SH3KBP1: variants seen among roughly 807,000 people sequenced by gnomAD.
SH3KBP1 encodes the protein SH3 domain containing kinase binding protein 1.
In SH3KBP1, 8 loss-of-function variants were observed where a neutral mutation model predicts 50.1. That is an observed-to-expected ratio of 0.16 (90% CI 0.09 to 0.29). SH3KBP1 has a LOEUF of 0.29. Ranked by LOEUF, SH3KBP1 falls within the 10% of genes least tolerant of loss-of-function variation. The pLI is 1.00. For missense variants in SH3KBP1, 377 were observed against 535.2 expected, an observed-to-expected ratio of 0.70 and a Z score of 2.92; for synonymous variants, 227 against 218.6, an observed-to-expected ratio of 1.04 and a Z score of -0.34.
intron 7 of SH3KBP1, among the ~76,000 whole-genome samples, chrX:19,639,757 C>T (rs1420837922): frequency 9.1e-6 from 1 of 110,095 alleles, no homozygotes; most frequent in East Asian, 2.8e-4. Context: ...CATGCTGCAG[C>T]AAATTGGATG....
At chrX:19,882,208 C>T (rs1201734094) in intron 1 of SH3KBP1, among the ~76,000 whole-genome samples, 1 of 111,584 alleles carries the variant, frequency 9.0e-6, no homozygotes, top group African/African-American at 3.3e-5. Context: ...AACCAGGAAA[C>T]GTCAGGTCCA....
chrX:19,842,332 T>A (rs2068244087), intron 1 of SH3KBP1, among the ~76,000 whole-genome samples: 1 of 111,155 alleles, frequency 9.0e-6, no homozygotes, highest in Admixed American at 9.5e-5. Context: ...TCAAGACCAG[T>A]CTGACCAACA....
intron 2 of SH3KBP1, among the ~76,000 whole-genome samples, chrX:19,775,206 C>T (rs2065936714): frequency 9.0e-6 from 1 of 111,613 alleles, no homozygotes; most frequent in Admixed American, 9.5e-5. Context: ...GGCCCTGTAA[C>T]ATCCACTCTG....
At chrX:19,626,365 C>T (rs2068018845) in intron 8 of SH3KBP1, among the ~76,000 whole-genome samples, 1 of 105,662 alleles carries the variant, frequency 9.5e-6, no homozygotes, top group African/African-American at 3.6e-5. Context: ...CCTGGCACAC[C>T]ATAAATATTC....
At chrX:19,814,917 C>G (rs183780000) in intron 2 of SH3KBP1, among the ~76,000 whole-genome samples, 46 of 112,067 alleles carry the variant, frequency 4.1e-4, no homozygotes, top group Non-Finnish European at 5.3e-4. Flanking sequence ...CAACCACAGA[C>G]AGGCCAAGTG....
chrX:19,534,546 G>T lies in SH3KBP1; in HGVS notation c.*1871C>A. The T allele has an allele frequency of 4.8e-6, 1 of 208,773 alleles. No individual in the cohort carries two copies. The highest frequency in any genetic ancestry group is 8.7e-6 in the Non-Finnish European group (1 of 114,853). 17.2% of individuals were successfully genotyped at this position (208,773 alleles called of 1,213,427 possible). A position where few individuals can be genotyped will look rare whatever the true frequency, so the allele number is the denominator to read the frequency against. On this transcript the variant is annotated 3_prime_UTR_variant, in exon 18 of 18. Coordinates refer to ENST00000397821, the MANE Select transcript of SH3KBP1 (RefSeq NM_031892.3). ...ATCATTAGGTCGTGGGGAATCTCTGGAATCTTCAAGTTTAACGCAGAAATG... is the reference window on the plus strand; with the variant it reads ...ATCATTAGGTCGTGGGGAATCTCTGTAATCTTCAAGTTTAACGCAGAAATG...
At position 19,887,490 on chromosome X, in the gene SH3KBP1, T is replaced by C. The variant is rs2069632743; in HGVS notation, c.-180A>G. The C allele has an allele frequency of 6.6e-6, 2 of 300,769 alleles. No individual in the cohort carries two copies. The highest frequency in any genetic ancestry group is 2.9e-5 in the African/African-American group (1 of 34,638). 24.8% of individuals were successfully genotyped at this position (300,769 alleles called of 1,213,427 possible). ...CGGCTCAGCGCCGCCCGCTGCTGCCTCTGCTGCTGCTGCCGCTGCTGCCCC... is the reference window on the plus strand; with the variant it reads ...CGGCTCAGCGCCGCCCGCTGCTGCCCCTGCTGCTGCTGCCGCTGCTGCCCC... On this transcript the variant is annotated 5_prime_UTR_variant, in exon 1 of 18. Transcript: ENST00000397821.
intron 10 of SH3KBP1, among the ~76,000 whole-genome samples, 159 bp downstream of exon 10, chrX:19,594,790 T>A (rs1450076718): frequency 8.9e-6 from 1 of 111,828 alleles, no homozygotes; most frequent in African/African-American, 3.2e-5. Flanking sequence ...AAAACAGAAG[T>A]ATCTTTAAAA....
chrX:19,885,911 C>G (rs2069570515), intron 1 of SH3KBP1, among the ~76,000 whole-genome samples: 1 of 111,425 alleles, frequency 9.0e-6, no homozygotes, highest in Non-Finnish European at 1.9e-5. Context: ...CTGCTCTGTG[C>G]CACACACCAA....
intron 12 of SH3KBP1, among the ~76,000 whole-genome samples, chrX:19,575,429 G>A (rs1888040331): frequency 9.1e-6 from 1 of 110,279 alleles, no homozygotes; most frequent in Non-Finnish European, 1.9e-5. Flanking sequence ...GAACCACAAG[G>A]GACCATCCTG....
rs776173973 is a variant in SH3KBP1 at position 19,545,412 on chromosome X, TA to T, written c.1623+509del. On this transcript the variant is annotated intron_variant, in intron 15 of 17. Transcript: ENST00000397821. Reference sequence around the variant, plus strand: ...CTACTCTCTGGGCATGGAATAAAATTAAAGTGTTTTTAGACTATAAATTTAT... The same window carrying T: ...CTACTCTCTGGGCATGGAATAAAATTAAGTGTTTTTAGACTATAAATTTAT... 8.0e-5 allele frequency among the ~76,000 whole-genome samples: 9 copies of T among 112,438 alleles called. No individual in the cohort carries two copies. The South Asian group carries it at 2.9e-3, about 37-fold the overall frequency.
At chrX:19,654,571 G>A (rs1207611549) in intron 6 of SH3KBP1, among the ~76,000 whole-genome samples, 1 of 111,986 alleles carries the variant, frequency 8.9e-6, no homozygotes, top group African/African-American at 3.2e-5. Context: ...GGATGAACGA[G>A]CCAGAGTAAA....
intron 6 of SH3KBP1, chrX:19,671,088 C>G: frequency 1.1e-6 from 1 of 900,292 alleles, no homozygotes; most frequent in Non-Finnish European, 1.4e-6. Flanking sequence ...GAGAAGTCCT[C>G]CTCCCTCGCC....
chrX:19,835,735 C>T (rs779546132), intron 2 of SH3KBP1, among the ~76,000 whole-genome samples: 1 of 109,386 alleles, frequency 9.1e-6, no homozygotes, highest in African/African-American at 3.3e-5. Context: ...CATGCCACCA[C>T]ACCTGGCTAA....
intron 3 of SH3KBP1, among the ~76,000 whole-genome samples, chrX:19,740,047 G>A (rs2064721940): frequency 9.0e-6 from 1 of 110,904 alleles, no homozygotes; most frequent in Admixed American, 9.5e-5. Flanking sequence ...TCTAAAAACC[G>A]ATTTTATCAA....
intron 8 of SH3KBP1, among the ~76,000 whole-genome samples, chrX:19,624,731 T>G (rs2067960036): frequency 8.9e-6 from 1 of 112,388 alleles, no homozygotes; most frequent in African/African-American, 3.2e-5. Flanking sequence ...TTAAATGCTC[T>G]GAGGAGGAGA....
intron 13 of SH3KBP1, among the ~76,000 whole-genome samples, chrX:19,554,100 T>C (rs1262961008): frequency 2.6e-5 from 2 of 75,557 alleles, no homozygotes; most frequent in African/African-American, 1.1e-4. Context: ...TATAATATTA[T>C]ATATCATATT....
intron 3 of SH3KBP1, among the ~76,000 whole-genome samples, chrX:19,716,856 G>T (rs1443246312): frequency 9.0e-6 from 1 of 111,213 alleles, no homozygotes; most frequent in Non-Finnish European, 1.9e-5. Flanking sequence ...TTCCACCAAC[G>T]CAAGATGATA....
intron 2 of SH3KBP1, among the ~76,000 whole-genome samples, chrX:19,768,713 T>A (rs2065692296): frequency 9.2e-6 from 1 of 108,867 alleles, no homozygotes; most frequent in Non-Finnish European, 1.9e-5. Context: ...AGATTAAAAT[T>A]CAGTCAAAAT....
Sources: allele counts gnomAD v4.1 joint callset (sites outside exome capture counted in the v4.1 genomes callset), GRCh38; gene constraint gnomAD v4.1.1; transcripts MANE v1.5; gene names NCBI Gene and HGNC (gene_info 2026-07-23, HGNC 2026-07-21).